NKAIN2: variants seen among roughly 807,000 people sequenced by gnomAD.
NKAIN2 encodes the protein sodium/potassium-transporting ATPase subunit beta-1-interacting protein 2.
NKAIN2 carries 14 observed loss-of-function variants against 32.6 expected under a neutral mutation model. The ratio of observed to expected loss-of-function variants is 0.43; its 90% CI spans 0.28 to 0.67. The LOEUF (loss-of-function observed/expected upper bound fraction) is 0.67, where lower values mean the gene tolerates loss of function less well. Ranked by LOEUF, NKAIN2 falls within the 30% of genes least tolerant of loss-of-function variation. NKAIN2 has a pLI of 0.17. For missense variants in NKAIN2, 198 were observed against 258.3 expected, an observed-to-expected ratio of 0.77 and a Z score of 1.60; for synonymous variants, 80 against 87.2, an observed-to-expected ratio of 0.92 and a Z score of 0.46.
At chr6:124,526,853 T>C (rs1355515840) in intron 3 of NKAIN2, among the ~76,000 whole-genome samples, 1 of 152,082 alleles carries the variant, frequency 6.6e-6, no homozygotes, top group African/African-American at 2.4e-5. Flanking sequence ...ATGTGATGAG[T>C]TTATATGTTA....
chr6:123,890,452 G>C (rs1412973208), intron 1 of NKAIN2, among the ~76,000 whole-genome samples: 1 of 151,998 alleles, frequency 6.6e-6, no homozygotes, highest in Non-Finnish European at 1.5e-5. Context: ...GGAATACTAT[G>C]AGCCAATTTG....
chr6:123,882,678 C>T (rs1399318161), intron 1 of NKAIN2, among the ~76,000 whole-genome samples: 2 of 152,144 alleles, frequency 1.3e-5, no homozygotes, highest in Admixed American at 6.5e-5. Context: ...TACTGTGTCA[C>T]TGCTGTCATT....
At chr6:124,334,792 G>C (rs890820674) in intron 2 of NKAIN2, among the ~76,000 whole-genome samples, 2 of 152,142 alleles carry the variant, frequency 1.3e-5, no homozygotes, top group African/African-American at 4.8e-5. Context: ...CTGGTCCCTA[G>C]GCAAGAAGGG....
At chr6:124,653,186 C>T (rs562526993) in intron 3 of NKAIN2, among the ~76,000 whole-genome samples, 95 of 151,910 alleles carry the variant, frequency 6.3e-4, no homozygotes, top group Middle Eastern at 6.8e-3. Flanking sequence ...CCAGAATAGA[C>T]GAAACTATAT....
chr6:124,771,757 T>A (rs780435940), intron 4 of NKAIN2, among the ~76,000 whole-genome samples: 30 of 152,296 alleles, frequency 2.0e-4, no homozygotes, highest in East Asian at 5.8e-4. Flanking sequence ...AAATTTTTTT[T>A]AAAAAGTGTT....
intron 2 of NKAIN2, among the ~76,000 whole-genome samples, chr6:124,304,914 A>G (rs2114986248): frequency 6.6e-6 from 1 of 150,810 alleles, no homozygotes; most frequent in African/African-American, 2.4e-5. Context: ...CTTGCCTCCA[A>G]AAAAAAAAGT....
chr6:123,805,857 T>C (rs1475947564), intron 1 of NKAIN2, among the ~76,000 whole-genome samples: 1 of 151,518 alleles, frequency 6.6e-6, no homozygotes, highest in Non-Finnish European at 1.5e-5. Flanking sequence ...ATCATTCTTA[T>C]GCTCTTTTCG....
At chr6:124,241,350 T>C (rs948368586) in intron 1 of NKAIN2, among the ~76,000 whole-genome samples, 5 of 152,150 alleles carry the variant, frequency 3.3e-5, no homozygotes, top group African/African-American at 1.2e-4. Flanking sequence ...GCTATTCCCA[T>C]CAAGCTACCA....
At chr6:124,414,622 A>G (rs1199853885) in intron 3 of NKAIN2, among the ~76,000 whole-genome samples, 1 of 152,158 alleles carries the variant, frequency 6.6e-6, no homozygotes, top group Non-Finnish European at 1.5e-5. Context: ...CAGTGAAGCC[A>G]TTTGGACTTG....
At chr6:124,272,894 C>T (rs117975803) in intron 1 of NKAIN2, among the ~76,000 whole-genome samples, 1 of 152,334 alleles carries the variant, frequency 6.6e-6, no homozygotes, top group East Asian at 1.9e-4. Flanking sequence ...GGGTTTTGAA[C>T]TTGCATTGGG....
intron 1 of NKAIN2, among the ~76,000 whole-genome samples, chr6:124,160,034 A>G (rs1391650460): frequency 2.6e-5 from 4 of 152,190 alleles, no homozygotes; most frequent in Non-Finnish European, 1.5e-5. Context: ...TTCTGAGTAA[A>G]GCAATGCCAG....
intron 3 of NKAIN2, among the ~76,000 whole-genome samples, chr6:124,520,937 T>C (rs1779095087): frequency 6.6e-6 from 1 of 152,172 alleles, no homozygotes; most frequent in Non-Finnish European, 1.5e-5. Flanking sequence ...TGTTCATTGC[T>C]AGTATATAGA....
At chr6:124,632,319 G>A (rs1783601388) in intron 3 of NKAIN2, among the ~76,000 whole-genome samples, 1 of 152,140 alleles carries the variant, frequency 6.6e-6, no homozygotes, top group South Asian at 2.1e-4. Flanking sequence ...GAGTAGGAAG[G>A]AAGTGTATAT....
chr6:124,387,341 A>G (rs1195761601), intron 3 of NKAIN2, among the ~76,000 whole-genome samples: 4 of 151,610 alleles, frequency 2.6e-5, no homozygotes, highest in African/African-American at 9.7e-5. Context: ...AGTGTGTGAA[A>G]GAACCTCCTT....
chr6:123,953,733 A>G (rs1330311130), intron 1 of NKAIN2, among the ~76,000 whole-genome samples: 2 of 152,134 alleles, frequency 1.3e-5, no homozygotes, highest in African/African-American at 4.8e-5. Flanking sequence ...ACCTTTTGTC[A>G]GGTCCCATGG....
chr6:124,180,227 G>A (rs186177037), intron 1 of NKAIN2, among the ~76,000 whole-genome samples: 32 of 152,262 alleles, frequency 2.1e-4, no homozygotes, highest in African/African-American at 7.7e-4. Context: ...CTGAGACTGG[G>A]TAATTTAACA....
At chr6:124,527,358 C>G (rs1001176697) in intron 3 of NKAIN2, among the ~76,000 whole-genome samples, 5 of 152,170 alleles carry the variant, frequency 3.3e-5, no homozygotes, top group Non-Finnish European at 7.4e-5. Context: ...CTGTTCAAAA[C>G]AACTGCTCTG....
chr6:124,365,946 A>G (rs1051322430), intron 3 of NKAIN2, among the ~76,000 whole-genome samples: 2 of 151,936 alleles, frequency 1.3e-5, no homozygotes, highest in Admixed American at 1.3e-4. Context: ...AAATGAATTT[A>G]TTGCTAAAAA....
In NKAIN2 at chr6:124,824,577, T is replaced by C. The variant is rs1781517671; in HGVS notation, c.*1348T>C. 6.6e-6 allele frequency: 1 copy of C among 152,210 alleles called. No homozygotes were observed. Among genetic ancestry groups the C allele is most frequent in the Admixed American group, 6.5e-5 (1 of 15,270 alleles). The allele number at this position is 152,210 out of a possible 1,614,324, so 9.4% of individuals were successfully genotyped here. ...TGAACTCCTAGGAAATTTTGTTCTA[T>C]ATTTTAAAGCATTATTTGGTTTTCA... On this transcript the variant is annotated 3_prime_UTR_variant, in exon 7 of 7. Transcript: ENST00000368417.
Sources: gnomAD v4.1 joint callset for allele counts (sites outside exome capture counted in the v4.1 genomes callset) on GRCh38, gnomAD v4.1.1 for gene constraint, MANE v1.5 for transcripts, NCBI Gene and HGNC (gene_info 2026-07-23, HGNC 2026-07-21) for gene names.